CA8: variants seen among roughly 807,000 people sequenced by gnomAD.
CA8 encodes the protein carbonic anhydrase 8 (inactive).
Under a neutral mutation model 41.4 loss-of-function variants are expected in CA8, and 22 were observed. The ratio of observed to expected loss-of-function variants is 0.53; its 90% CI spans 0.38 to 0.76. The LOEUF (loss-of-function observed/expected upper bound fraction) is 0.76. CA8 is among the 30% of genes least tolerant of loss of function. The pLI, the probability that CA8 is intolerant of heterozygous loss-of-function variation, is 0.00. For synonymous variants in CA8, 121 were observed against 130.6 expected, an observed-to-expected ratio of 0.93 and a Z score of 0.50; for missense variants, 270 against 352.8, an observed-to-expected ratio of 0.77 and a Z score of 1.88.
intron 5 of CA8, among the ~76,000 whole-genome samples, chr8:60,225,031 T>G (rs1435330805): frequency 6.6e-6 from 1 of 151,994 alleles, no homozygotes; most frequent in African/African-American, 2.4e-5. Context: ...ACTTCCTGTC[T>G]TGTCCTATTT....
intron 8 of CA8, among the ~76,000 whole-genome samples, chr8:60,193,958 A>G (rs998022828): frequency 1.1e-4 from 17 of 152,086 alleles, no homozygotes; most frequent in Admixed American, 8.5e-4. Flanking sequence ...ATTTGCTTAC[A>G]TTACTGTATT....
intron 3 of CA8, among the ~76,000 whole-genome samples, chr8:60,260,371 G>C (rs1803690793): frequency 6.6e-6 from 1 of 152,152 alleles, no homozygotes; most frequent in East Asian, 1.9e-4. Flanking sequence ...TTCACAGCCT[G>C]TAAGGCAGGG....
At chr8:60,191,259 T>C (rs1806120814) in intron 8 of CA8, among the ~76,000 whole-genome samples, 1 of 152,090 alleles carries the variant, frequency 6.6e-6, no homozygotes, top group Non-Finnish European at 1.5e-5. Flanking sequence ...TCGAGCTAAT[T>C]AGCATGTGTA....
At position 60,232,999 on chromosome 8, in the gene CA8, G is replaced by A. The variant is rs369003668; in HGVS notation, c.418-620C>T. ...GTGAAGAAATGACAAACAATGCTCA[G>A]AGGCCTCCCTCACTCCTAGCCTCAT... is the stretch of plus-strand genomic sequence containing the variant. On this transcript the variant is annotated intron_variant, in intron 3 of 8. Coordinates refer to ENST00000317995, the MANE Select transcript of CA8 (RefSeq NM_004056.6). 9.8e-5 allele frequency among the ~76,000 whole-genome samples: 15 copies of A among 152,324 alleles called. 1 individual carries two copies. The East Asian group carries it at 2.7e-3, about 27-fold the overall frequency.
chr8:60,220,048 C>A (rs964502733), intron 7 of CA8, among the ~76,000 whole-genome samples: 1 of 151,564 alleles, frequency 6.6e-6, no homozygotes, highest in East Asian at 2.0e-4. Context: ...CATATTTATG[C>A]TTGGTCCCTC....
chr8:60,200,042 G>C (rs559178550), intron 8 of CA8, among the ~76,000 whole-genome samples: 32 of 152,310 alleles, frequency 2.1e-4, no homozygotes, highest in African/African-American at 7.5e-4. Context: ...TGAAGCCTTA[G>C]AGAGGTGATT....
At chr8:60,199,519 T>G (rs1806365152) in intron 8 of CA8, among the ~76,000 whole-genome samples, 1 of 152,188 alleles carries the variant, frequency 6.6e-6, no homozygotes, top group South Asian at 2.1e-4. Flanking sequence ...CAGTAAGAAC[T>G]CAGAGATTCT....
chr8:60,270,425 C>T (rs971241254), intron 2 of CA8, among the ~76,000 whole-genome samples: 1 of 152,106 alleles, frequency 6.6e-6, no homozygotes, highest in Non-Finnish European at 1.5e-5. Context: ...TATTTATATA[C>T]GTCTTTTTGA....
At chr8:60,208,425 C>T (rs568654356) in intron 8 of CA8, 46 of 321,770 alleles carry the variant, frequency 1.4e-4, no homozygotes, top group Middle Eastern at 1.1e-3. Flanking sequence ...TTCACGGGGA[C>T]AACATGGTAA....
chr8:60,270,214 G>C (rs1002969840), intron 2 of CA8, among the ~76,000 whole-genome samples: 9 of 152,316 alleles, frequency 5.9e-5, no homozygotes, highest in African/African-American at 2.2e-4. Flanking sequence ...TATCTGCACA[G>C]ATGACAGAAT....
chr8:60,193,625 C>A (rs564203386), intron 8 of CA8, among the ~76,000 whole-genome samples: 2 of 152,154 alleles, frequency 1.3e-5, no homozygotes, highest in Non-Finnish European at 2.9e-5. Context: ...ATGCTCACTG[C>A]CTTAGCTTCC....
rs189843319 is a variant in CA8 at position 60,185,448 on chromosome 8, A to T, written c.*4573T>A. Among the ~76,000 whole-genome samples the T allele has an allele frequency of 7.6e-4, 116 of 151,852 alleles. No homozygotes were observed. The highest frequency in any genetic ancestry group is 2.4e-3 in the African/African-American group (98 of 41,450). ...ACATCCCAAATTTAATATTTTTCTT[A>T]AAAAAAATCATTCATCTACATACCC... is the stretch of plus-strand genomic sequence containing the variant. On this transcript the variant is annotated 3_prime_UTR_variant, in exon 9 of 9. Transcript: ENST00000317995.
chr8:60,233,714 A>C (rs1260246130), intron 3 of CA8, among the ~76,000 whole-genome samples: 1 of 152,260 alleles, frequency 6.6e-6, no homozygotes, highest in Non-Finnish European at 1.5e-5. Flanking sequence ...TCTAGGCCCA[A>C]GGTTAAAATA....
chr8:60,200,310 G>A (rs772266529), intron 8 of CA8, among the ~76,000 whole-genome samples: 1 of 152,284 alleles, frequency 6.6e-6, no homozygotes, highest in Non-Finnish European at 1.5e-5. Flanking sequence ...AGGATCAAAT[G>A]GAAGACATGT....
chr8:60,194,456 T>C (rs1585837310), intron 8 of CA8, among the ~76,000 whole-genome samples: 1 of 152,024 alleles, frequency 6.6e-6, no homozygotes, highest in Non-Finnish European at 1.5e-5. Flanking sequence ...ATCTGGAGAG[T>C]AGGGGCCTTT....
At position 60,281,060 on chromosome 8, in the gene CA8, C is replaced by T. The variant is rs147962541; in HGVS notation, c.88G>A (p.Gly30Ser). The T allele has an allele frequency of 2.5e-6, 4 of 1,610,874 alleles. No individual in the cohort carries two copies. Among genetic ancestry groups the T allele is most frequent in the East Asian group, 2.2e-5 (1 of 44,830 alleles). ...CGCGGCCACTTACCTTCCTCGTAGC[C>T]CCACTCCACACCCTCCTCTTCTTCC... ...EEEEEEGVEW[G>S]YEEGVEWGLV... Residue 30 changes from glycine to serine, a missense_variant, in exon 1 of 9, where the codon GGC becomes AGC. Gly to Ser is a moderately conservative substitution (Grantham distance 56, BLOSUM62 0). Around this residue, in one of 3 missense-constraint regions of CA8, gnomAD observed 123 missense variants for 136.8 expected, o/e 0.90. Coordinates refer to ENST00000317995, the MANE Select transcript of CA8 (RefSeq NM_004056.6).
intron 1 of CA8, 70 bp from the exon 2 acceptor site, chr8:60,279,950 A>G: frequency 1.5e-6 from 2 of 1,294,814 alleles, no homozygotes; most frequent in Non-Finnish European, 2.2e-6. Flanking sequence ...ACATGTAAAA[A>G]CTAAACACTT....
At chr8:60,233,171 C>G (rs892279771) in intron 3 of CA8, among the ~76,000 whole-genome samples, 2 of 152,246 alleles carry the variant, frequency 1.3e-5, no homozygotes, top group Non-Finnish European at 2.9e-5. Flanking sequence ...GGTAAACCTT[C>G]TGCCTAGAAT....
At chr8:60,265,801 T>C in intron 3 of CA8, 124 bp downstream of exon 3, 5 of 1,113,808 alleles carry the variant, frequency 4.5e-6, no homozygotes, top group Non-Finnish European at 6.5e-6. Flanking sequence ...ATTTTTTAAA[T>C]TTTAGTATAA....
Sources: allele counts gnomAD v4.1 joint callset (sites outside exome capture counted in the v4.1 genomes callset), GRCh38; gene constraint gnomAD v4.1.1; regional missense constraint gnomAD v4.1.1; transcripts MANE v1.5; gene names NCBI Gene and HGNC (gene_info 2026-07-23, HGNC 2026-07-21).